Variants in DLG2 observed in about 807,000 individuals in gnomAD.
DLG2 encodes the protein disks large homolog 2.
In DLG2, 45 loss-of-function variants were observed where a neutral mutation model predicts 132.5. That is an observed-to-expected ratio of 0.34 (90% CI 0.27 to 0.44). The LOEUF is 0.44. DLG2 is among the 20% of genes least tolerant of loss of function. The pLI is 1.00. For synonymous variants in DLG2, 424 were observed against 419.6 expected, an observed-to-expected ratio of 1.01 and a Z score of -0.13; for missense variants, 1,045 against 1,196.9, an observed-to-expected ratio of 0.87 and a Z score of 1.87.
Position 83,827,148 on chromosome 11 carries a change from A to G in DLG2, c.1722+6466T>C, listed in dbSNP as rs375909536. Among the ~76,000 whole-genome samples the G allele has an allele frequency of 7.2e-5, 11 of 152,218 alleles. No homozygotes were observed. The East Asian group carries it at 2.1e-3, about 29-fold the overall frequency. ...ATGAGGTCTGGCGGCTCATATGAGG[A>G]CCACTTCAGGAAATCGAAGAAATAA... On this transcript the variant is annotated intron_variant, in intron 17 of 27. Coordinates refer to ENST00000376104, the MANE Select transcript of DLG2 (RefSeq NM_001142699.3).
intron 6 of DLG2, among the ~76,000 whole-genome samples, chr11:85,092,849 G>T (rs896997625): frequency 6.6e-5 from 10 of 151,964 alleles, no homozygotes; most frequent in African/African-American, 2.4e-4. Context: ...TACCATGTTG[G>T]CCAGGATGGT....
At chr11:84,121,484 TAAC>T (rs1272262013) in intron 9 of DLG2, among the ~76,000 whole-genome samples, 1 of 150,412 alleles carries the variant, frequency 6.6e-6, no homozygotes, top group Non-Finnish European at 1.5e-5. Flanking sequence ...CTGTCACAGA[TAAC>T]AACAATAAAT....
chr11:84,905,622 C>T (rs575160178), intron 6 of DLG2, among the ~76,000 whole-genome samples: 2 of 152,304 alleles, frequency 1.3e-5, no homozygotes, highest in East Asian at 3.9e-4. Context: ...ACTTTGCCAG[C>T]CACCACAGAA....
At chr11:84,972,247 T>C (rs983696208) in intron 6 of DLG2, among the ~76,000 whole-genome samples, 1 of 152,290 alleles carries the variant, frequency 6.6e-6, no homozygotes, top group Admixed American at 6.5e-5. Flanking sequence ...CTCATGGTCA[T>C]TGGGCTTGTG....
intron 6 of DLG2, among the ~76,000 whole-genome samples, chr11:84,990,558 A>C (rs894337779): frequency 2.8e-4 from 43 of 152,144 alleles, no homozygotes; most frequent in Admixed American, 8.5e-4. Flanking sequence ...AATGTGTATT[A>C]TATAGACATT....
intron 8 of DLG2, among the ~76,000 whole-genome samples, chr11:84,213,586 G>A (rs1198563187): frequency 6.6e-6 from 1 of 152,160 alleles, no homozygotes; most frequent in African/African-American, 2.4e-5. Flanking sequence ...TTGGGAGGCC[G>A]AGGCGGGTGG....
intron 6 of DLG2, among the ~76,000 whole-genome samples, chr11:84,769,275 A>G (rs974457595): frequency 6.6e-6 from 1 of 152,150 alleles, no homozygotes; most frequent in Admixed American, 6.6e-5. Flanking sequence ...AAAGAAGATA[A>G]ATATCTTTAA....
intron 11 of DLG2, among the ~76,000 whole-genome samples, chr11:84,004,240 T>C (rs2094478145): frequency 6.6e-6 from 1 of 151,978 alleles, no homozygotes; most frequent in Non-Finnish European, 1.5e-5. Flanking sequence ...AATATACCAT[T>C]ACAAAATGGG....
chr11:85,129,785 C>T (rs1001297759), intron 5 of DLG2, among the ~76,000 whole-genome samples: 38 of 151,988 alleles, frequency 2.5e-4, no homozygotes. Flanking sequence ...TATTCACAAT[C>T]GCAAAGACTT....
At chr11:83,699,937 G>GCACACACACACACACA (rs140957816) in intron 18 of DLG2, among the ~76,000 whole-genome samples, 1 of 142,368 alleles carries the variant, frequency 7.0e-6, no homozygotes, top group African/African-American at 2.6e-5. Context: ...CACCACACAT[G>GCACACACACACACACA]CACACACACA....
chr11:84,167,328 A>G (rs1398904776), intron 8 of DLG2, among the ~76,000 whole-genome samples: 4 of 152,154 alleles, frequency 2.6e-5, no homozygotes, highest in Non-Finnish European at 5.9e-5. Flanking sequence ...CCCACAGCCA[A>G]CTCAAATTTA....
chr11:85,506,918 A>T (rs1415760624), intron 3 of DLG2, among the ~76,000 whole-genome samples: 3 of 152,198 alleles, frequency 2.0e-5, no homozygotes, highest in African/African-American at 7.2e-5. Context: ...GGGTGCATAT[A>T]TATTTAGGAT....
intron 6 of DLG2, among the ~76,000 whole-genome samples, chr11:84,892,682 C>T (rs958306526): frequency 1.1e-4 from 16 of 152,068 alleles, no homozygotes; most frequent in African/African-American, 3.9e-4. Context: ...ATTAAGGGTG[C>T]TGTTGGCCCT....
chr11:85,363,440 C>T (rs1182066133), intron 3 of DLG2, among the ~76,000 whole-genome samples: 3 of 152,128 alleles, frequency 2.0e-5, no homozygotes, highest in Admixed American at 6.5e-5. Flanking sequence ...TTAAGGATGA[C>T]GATTTCTTCT....
chr11:85,585,911 G>T (rs571951919), intron 3 of DLG2, among the ~76,000 whole-genome samples: 43 of 152,066 alleles, frequency 2.8e-4, no homozygotes, highest in African/African-American at 1.0e-3. Context: ...GTAGTGACAG[G>T]GTTTTGCCAT....
At chr11:85,193,916 G>A (rs1446091508) in intron 4 of DLG2, among the ~76,000 whole-genome samples, 1 of 152,192 alleles carries the variant, frequency 6.6e-6, no homozygotes, top group African/African-American at 2.4e-5. Context: ...GTCTGTCTTA[G>A]GCTCTGGGTA....
chr11:83,503,057 C>A (rs1424951379), intron 21 of DLG2, among the ~76,000 whole-genome samples: 5 of 151,698 alleles, frequency 3.3e-5, no homozygotes, highest in African/African-American at 1.2e-4. Context: ...TCTAAAAAAC[C>A]TCACAATTTA....
intron 8 of DLG2, among the ~76,000 whole-genome samples, chr11:84,224,468 G>A (rs1377344491): frequency 1.3e-5 from 2 of 152,200 alleles, no homozygotes; most frequent in African/African-American, 4.8e-5. Context: ...TCTTGCAGCT[G>A]TGTACATCAT....
intron 4 of DLG2, among the ~76,000 whole-genome samples, chr11:85,215,746 TG>T (rs1334576057): frequency 1.3e-5 from 2 of 152,206 alleles, no homozygotes; most frequent in African/African-American, 4.8e-5. Flanking sequence ...TTTGTTAAAA[TG>T]CTACATAAAC....
Sources: gnomAD v4.1 joint callset for allele counts (sites outside exome capture counted in the v4.1 genomes callset) on GRCh38, gnomAD v4.1.1 for gene constraint, MANE v1.5 for transcripts, NCBI Gene and HGNC (gene_info 2026-07-23, HGNC 2026-07-21) for gene names.